DOCK1: variants seen among roughly 807,000 people sequenced by gnomAD.
DOCK1 encodes the protein dedicator of cytokinesis protein 1.
A neutral mutation model predicts 262.7 loss-of-function variants in DOCK1; 138 were observed. That is an observed-to-expected ratio of 0.53 (90% CI 0.46 to 0.61). The LOEUF (loss-of-function observed/expected upper bound fraction) is 0.61, where lower values mean the gene tolerates loss of function less well. Among genes scored for constraint, DOCK1 ranks in the 20% least tolerant of loss-of-function variants. DOCK1 has a pLI of 0.00. For synonymous variants in DOCK1, 866 were observed against 867.4 expected, an observed-to-expected ratio of 1.00 and a Z score of 0.03; for missense variants, 1,908 against 2,370.7, an observed-to-expected ratio of 0.80 and a Z score of 4.05.
At chr10:127,443,524 C>A (rs1197510679) in intron 49 of DOCK1, among the ~76,000 whole-genome samples, 1 of 152,080 alleles carries the variant, frequency 6.6e-6, no homozygotes, top group Non-Finnish European at 1.5e-5. Flanking sequence ...CCACCTTTTC[C>A]CTGCCTAGTT....
chr10:127,442,985 G>A (rs138711360), intron 49 of DOCK1, among the ~76,000 whole-genome samples: 196 of 152,326 alleles, frequency 1.3e-3, no homozygotes, highest in African/African-American at 4.1e-3. Flanking sequence ...CATGCTGGGC[G>A]GCTCCAACCC....
At chr10:126,918,989 G>GA (rs1169986353) in intron 1 of DOCK1, among the ~76,000 whole-genome samples, 1 of 152,264 alleles carries the variant, frequency 6.6e-6, no homozygotes, top group African/African-American at 2.4e-5. Flanking sequence ...CCGAGAGGGA[G>GA]TGTGGGGGCC....
intron 27 of DOCK1, among the ~76,000 whole-genome samples, chr10:127,207,036 C>G (rs1216796150): frequency 1.3e-5 from 2 of 152,124 alleles, no homozygotes; most frequent in Non-Finnish European, 2.9e-5. Context: ...GAGGTGTAAT[C>G]TCTCCCAAAA....
At chr10:127,297,195 G>C (rs183453462) in intron 29 of DOCK1, among the ~76,000 whole-genome samples, 1 of 152,192 alleles carries the variant, frequency 6.6e-6, no homozygotes, top group Non-Finnish European at 1.5e-5. Flanking sequence ...GGAGATGGAA[G>C]GAGGTGTTGG....
intron 23 of DOCK1, among the ~76,000 whole-genome samples, chr10:127,105,190 A>T (rs1484033450): frequency 6.6e-6 from 1 of 152,178 alleles, no homozygotes; most frequent in African/African-American, 2.4e-5. Flanking sequence ...CACCATGATT[A>T]TGAGGCCTTC....
chr10:127,332,300 G>A (rs981247401), intron 29 of DOCK1, among the ~76,000 whole-genome samples: 1 of 152,232 alleles, frequency 6.6e-6, no homozygotes, highest in Admixed American at 6.5e-5. Context: ...CAGAAGAAAG[G>A]TCTGGGGCAT....
chr10:127,138,269 A>G (rs768588246), intron 27 of DOCK1, among the ~76,000 whole-genome samples: 5 of 152,226 alleles, frequency 3.3e-5, no homozygotes, highest in Non-Finnish European at 7.3e-5. Context: ...TAATGTGCAC[A>G]GTTGGTGTAT....
chr10:127,256,934 A>G lies in DOCK1; in HGVS notation c.2950-401A>G, dbSNP rs559194787. ...AACAGACAGTAGTATCCCGTATTCA[A>G]TCTGATGTGTCCTGTTCATCATGAA... On this transcript the variant is annotated intron_variant, in intron 28 of 51. Coordinates refer to ENST00000623213, the MANE Select transcript of DOCK1 (RefSeq NM_001290223.2). Among the ~76,000 whole-genome samples the G allele has an allele frequency of 5.9e-5, 9 of 152,334 alleles. No individual in the cohort carries two copies. In the East Asian group the frequency reaches 1.5e-3, roughly 26 times the overall value.
At chr10:127,356,726 G>A (rs1421357695) in intron 32 of DOCK1, among the ~76,000 whole-genome samples, 1 of 152,140 alleles carries the variant, frequency 6.6e-6, no homozygotes, top group Non-Finnish European at 1.5e-5. Flanking sequence ...CGTTCATGAA[G>A]GAGGTGATAT....
intron 27 of DOCK1, among the ~76,000 whole-genome samples, chr10:127,202,983 T>C (rs551745175): frequency 1.3e-5 from 2 of 152,354 alleles, no homozygotes; most frequent in East Asian, 3.9e-4. Flanking sequence ...CAGCATTCTT[T>C]TGTCGTCATT....
At chr10:126,989,565 A>G (rs966821975) in intron 5 of DOCK1, among the ~76,000 whole-genome samples, 3 of 152,128 alleles carry the variant, frequency 2.0e-5, no homozygotes, top group African/African-American at 4.8e-5. Flanking sequence ...GGACTCAAGC[A>G]ATCCTCCCGC....
intron 29 of DOCK1, among the ~76,000 whole-genome samples, chr10:127,295,207 C>T (rs2135394155): frequency 6.6e-6 from 1 of 152,290 alleles, no homozygotes. Flanking sequence ...CCAGCATCTG[C>T]TCAGCTCTCA....
In DOCK1 at chr10:127,403,146, T is replaced by A; in HGVS notation, c.4017+2T>A. 6.2e-7 allele frequency: 1 copy of A among 1,602,140 alleles called. No homozygotes were observed. ...TATGAGCAACTCAGCGAATTGCTGG[T>A]GAGTCTTTATTTCTTTTTATTTAAA... On this transcript the variant is annotated splice_donor_variant, in intron 39 of 51. Coordinates refer to ENST00000623213, the MANE Select transcript of DOCK1 (RefSeq NM_001290223.2). LOFTEE classifies it high-confidence loss of function.
chr10:127,192,762 A>G (rs1176914834), intron 27 of DOCK1: 1 of 152,210 alleles, frequency 6.6e-6, no homozygotes, highest in African/African-American at 2.4e-5. Flanking sequence ...ACATGGTCCA[A>G]AGGTTCAAAC....
At chr10:127,079,542 G>A (rs2046775620) in intron 23 of DOCK1, among the ~76,000 whole-genome samples, 1 of 152,140 alleles carries the variant, frequency 6.6e-6, no homozygotes, top group African/African-American at 2.4e-5. Context: ...AAAAAAATCT[G>A]TTGAGTGTGT....
At chr10:127,343,376 C>T (rs989799836) in intron 30 of DOCK1, among the ~76,000 whole-genome samples, 2 of 152,128 alleles carry the variant, frequency 1.3e-5, no homozygotes, top group Non-Finnish European at 2.9e-5. Flanking sequence ...CACATTTTAT[C>T]CATGAGGAAA....
In DOCK1 at chr10:127,024,796, T is replaced by C. The variant is rs1283392548; in HGVS notation, c.1551+13T>C. 6.3e-6 allele frequency: 10 copies of C among 1,585,088 alleles called. No individual in the cohort carries two copies. In the East Asian group the frequency reaches 1.6e-4, roughly 25 times the overall value. ...TGAGACTGTTAAGGTATTATTTACATGGTCATTTTATCACATGGCGCTGAT... is the reference window on the plus strand; with the variant it reads ...TGAGACTGTTAAGGTATTATTTACACGGTCATTTTATCACATGGCGCTGAT... On this transcript the variant is annotated intron_variant, in intron 15 of 51. Transcript: ENST00000623213.
At chr10:127,294,783 G>A (rs535035873) in intron 29 of DOCK1, among the ~76,000 whole-genome samples, 2 of 152,006 alleles carry the variant, frequency 1.3e-5, no homozygotes, top group South Asian at 4.2e-4. Flanking sequence ...CAAGTAGCTG[G>A]GACTAAAGAT....
chr10:127,426,144 G>A, intron 47 of DOCK1, 133 bp downstream of exon 47: 3 of 1,468,748 alleles, frequency 2.0e-6, no homozygotes, highest in Non-Finnish European at 2.8e-6. Context: ...GGATGTGAGG[G>A]AGCTCAGCCC....
Sources: allele counts gnomAD v4.1 joint callset (sites outside exome capture counted in the v4.1 genomes callset), GRCh38; gene constraint gnomAD v4.1.1; transcripts MANE v1.5; gene names NCBI Gene and HGNC (gene_info 2026-07-23, HGNC 2026-07-21).